PTPRT: variants seen among roughly 807,000 people sequenced by gnomAD.
PTPRT encodes the protein receptor-type tyrosine-protein phosphatase T.
PTPRT carries 56 observed loss-of-function variants against 176.8 expected under a neutral mutation model. The observed-to-expected ratio is 0.32, with a 90% CI of 0.26 to 0.40. PTPRT has a LOEUF of 0.40. Ranked by LOEUF, PTPRT falls within the 10% of genes least tolerant of loss-of-function variation. The pLI is 1.00. For synonymous variants in PTPRT, 783 were observed against 739.0 expected (o/e 1.06, Z -0.96); for missense variants, 1,540 against 1,908.2 (o/e 0.81, Z 3.60).
the PTPRT span, among the ~76,000 whole-genome samples, chr20:42,065,084 C>T: frequency 6.6e-6 from 1 of 152,302 alleles, no homozygotes; most frequent in East Asian, 1.9e-4. Context: ...ACATGTGAGT[C>T]GTCCTGGACA....
At chr20:42,215,754 A>C (rs560318259) in intron 15 of PTPRT, among the ~76,000 whole-genome samples, 2 of 77,170 alleles carry the variant, frequency 2.6e-5, no homozygotes, top group South Asian at 1.3e-3. Flanking sequence ...TCATTTTCCC[A>C]CCCTAGCTAG....
At chr20:42,350,556 C>T in intron 11 of PTPRT, 72 bp downstream of exon 11, 3 of 1,253,902 alleles carry the variant, frequency 2.4e-6, no homozygotes, top group Non-Finnish European at 2.3e-6. Flanking sequence ...TTGCCAGTCA[C>T]ATGATTCAAC....
At chr20:42,153,903 A>G (rs1403996163) in intron 17 of PTPRT, among the ~76,000 whole-genome samples, 2 of 152,182 alleles carry the variant, frequency 1.3e-5, no homozygotes, top group African/African-American at 2.4e-5. Flanking sequence ...GATCATAACC[A>G]TAGTCTCTTC....
intron 9 of PTPRT, among the ~76,000 whole-genome samples, chr20:42,431,440 T>A (rs957002095): frequency 6.6e-6 from 1 of 152,244 alleles, no homozygotes; most frequent in East Asian, 1.9e-4. Flanking sequence ...TTAAAAAAGA[T>A]GAACTATTTC....
chr20:42,867,975 C>G (rs2078778951), intron 2 of PTPRT, among the ~76,000 whole-genome samples: 1 of 152,144 alleles, frequency 6.6e-6, no homozygotes, highest in Non-Finnish European at 1.5e-5. Context: ...AGCCACTGCA[C>G]CCAGCCTATG....
At chr20:42,872,659 T>C (rs2078865383) in intron 2 of PTPRT, among the ~76,000 whole-genome samples, 1 of 152,204 alleles carries the variant, frequency 6.6e-6, no homozygotes, top group Non-Finnish European at 1.5e-5. Flanking sequence ...GATTCATAAA[T>C]TACAAGTCAA....
At chr20:42,586,482 C>T (rs568476917) in intron 7 of PTPRT, among the ~76,000 whole-genome samples, 7 of 152,260 alleles carry the variant, frequency 4.6e-5, no homozygotes, top group South Asian at 2.1e-4. Flanking sequence ...CAGTAGGTTA[C>T]GACTCATCTA....
intron 1 of PTPRT, among the ~76,000 whole-genome samples, chr20:42,972,869 G>A (rs114411566): frequency 2.4e-4 from 37 of 152,138 alleles, no homozygotes; most frequent in African/African-American, 8.7e-4. Flanking sequence ...AGGTGCAGTA[G>A]CCACTAGCCA....
intron 7 of PTPRT, among the ~76,000 whole-genome samples, chr20:42,488,783 A>C (rs886990871): frequency 6.6e-6 from 1 of 151,994 alleles, no homozygotes; most frequent in South Asian, 2.1e-4. Flanking sequence ...TGACCAACTG[A>C]GAAAAGCCCC....
chr20:43,022,581 G>C (rs1474446970), intron 1 of PTPRT, among the ~76,000 whole-genome samples: 1 of 152,200 alleles, frequency 6.6e-6, no homozygotes, highest in South Asian at 2.1e-4. Context: ...CCTATGTCTG[G>C]AGAGGGGGCT....
intron 7 of PTPRT, among the ~76,000 whole-genome samples, chr20:42,515,295 C>T (rs2072040178): frequency 6.6e-6 from 1 of 152,112 alleles, no homozygotes; most frequent in African/African-American, 2.4e-5. Flanking sequence ...CCAGCCTGGC[C>T]AACATGGTGA....
chr20:43,175,032 T>G (rs897782146), intron 1 of PTPRT, among the ~76,000 whole-genome samples: 1 of 152,218 alleles, frequency 6.6e-6, no homozygotes, highest in Non-Finnish European at 1.5e-5. Flanking sequence ...TCTCTAAACA[T>G]TGAAAAGACT....
chr20:43,005,098 A>C (rs1984783210), intron 1 of PTPRT, among the ~76,000 whole-genome samples: 1 of 152,012 alleles, frequency 6.6e-6, no homozygotes, highest in South Asian at 2.1e-4. Flanking sequence ...TTCCTCCTAT[A>C]GTTCACATCC....
At chr20:42,660,690 A>AT in intron 7 of PTPRT, among the ~76,000 whole-genome samples, 1 of 152,272 alleles carries the variant, frequency 6.6e-6, no homozygotes, top group East Asian at 1.9e-4. Context: ...TCCAGGTGCC[A>AT]TCCATGATTC....
intron 7 of PTPRT, among the ~76,000 whole-genome samples, chr20:42,600,264 T>G (rs2073753196): frequency 6.6e-6 from 1 of 152,022 alleles, no homozygotes; most frequent in Non-Finnish European, 1.5e-5. Context: ...CTCAGCCTCC[T>G]GAATAGCTGG....
rs1471370876 is a variant in PTPRT at position 42,616,166 on chromosome 20, T to C, written c.1153+61700A>G. Among the ~76,000 whole-genome samples the C allele has an allele frequency of 2.4e-5, 3 of 125,082 alleles. 1 individual carries two copies. Among genetic ancestry groups the C allele is most frequent in the Non-Finnish European group, 4.9e-5 (3 of 60,898 alleles). The allele number at this position is 125,082 out of a possible 152,430, so 82.1% of individuals were successfully genotyped here. ...CAGCTTTCTACATATGGCTAGCCAG[T>C]TTTCCCAGCACCATTTATTAAATAG... On this transcript the variant is annotated intron_variant, in intron 7 of 30. Coordinates refer to ENST00000373187, the MANE Select transcript of PTPRT (RefSeq NM_007050.6).
chr20:42,122,414 A>T (rs1293581099), intron 19 of PTPRT, among the ~76,000 whole-genome samples: 6 of 152,174 alleles, frequency 3.9e-5, no homozygotes, highest in Admixed American at 2.0e-4. Context: ...GTGTTAATGT[A>T]ATAACTGAGC....
Position 42,389,866 on chromosome 20 carries a change from A to AAAAAAG in PTPRT, c.1561-37582_1561-37581insCTTTTT, listed in dbSNP as rs140956099. The stretch of plus-strand genomic sequence containing the variant: ...CAAAACCCTGTCAAAAAAAAAAAAA[A>AAAAAAG]AAAGAAAGAAAGCCTTGAGGCTGCC... On this transcript the variant is annotated intron_variant, in intron 9 of 30. Coordinates refer to ENST00000373187, the MANE Select transcript of PTPRT (RefSeq NM_007050.6). Among the ~76,000 whole-genome samples, 265 of 138,422 alleles carry AAAAAAG rather than the reference A, an allele frequency of 1.9e-3. 1 individual carries two copies. The highest frequency in any genetic ancestry group is 6.1e-3 in the African/African-American group (225 of 36,856). 90.8% of individuals were successfully genotyped at this position (138,422 alleles called of 152,430 possible).
chr20:42,453,674 C>CTTT (rs576538683), intron 8 of PTPRT, among the ~76,000 whole-genome samples: 5 of 136,646 alleles, frequency 3.7e-5, no homozygotes, highest in Non-Finnish European at 4.6e-5. Context: ...TTTTTCTTTT[C>CTTT]TTTTTTTTTT....
Sources: gnomAD v4.1 joint callset for allele counts (sites outside exome capture counted in the v4.1 genomes callset) on GRCh38, gnomAD v4.1.1 for gene constraint, MANE v1.5 for transcripts, NCBI Gene and HGNC (gene_info 2026-07-23, HGNC 2026-07-21) for gene names.